Variants in PCOLCE observed in about 807,000 individuals in gnomAD.
PCOLCE encodes procollagen C-endopeptidase enhancer 1.
Under a neutral mutation model 47.2 loss-of-function variants are expected in PCOLCE, and 33 were observed. The observed-to-expected ratio is 0.70, with a 90% CI of 0.53 to 0.93. PCOLCE has a LOEUF of 0.93. Among genes scored for constraint, PCOLCE ranks in the 40% least tolerant of loss-of-function variants. The probability of loss-of-function intolerance (pLI) is 0.00; values close to 1 mark genes in which losing one functional copy is unlikely to be tolerated. For synonymous variants in PCOLCE, 254 were observed against 252.5 expected (o/e 1.01, Z -0.06); for missense variants, 584 against 585.3 (o/e 1.00, Z 0.02).
At chr7:100,606,699 G>C (rs1802724130) in intron 6 of PCOLCE, 69 bp downstream of exon 6, 1 of 1,234,498 alleles carries the variant, frequency 8.1e-7, no homozygotes, top group South Asian at 1.5e-5. Context: ...TCTGACCTGG[G>C]CTGTGGCTCA....
chr7:100,605,755 G>A lies in PCOLCE; in HGVS notation c.668G>A (p.Gly223Glu). 1 of 1,561,750 alleles carries A rather than the reference G, an allele frequency of 6.4e-7. No homozygotes were observed. Among genetic ancestry groups the A allele is most frequent in the Non-Finnish European group, 8.7e-7 (1 of 1,152,928 alleles). Residue 223 changes from glycine to glutamate, a missense_variant, in exon 5 of 9, where the codon GGA becomes GAA. Physicochemically the swap from Gly to Glu is moderately conservative, Grantham distance 98. Coordinates refer to ENST00000223061, the MANE Select transcript of PCOLCE (RefSeq NM_002593.4). The surrounding 1 kb of genome is among the most constrained non-coding windows in gnomAD (Gnocchi z 6.1). Reference sequence around the variant, plus strand: ...TATGACTCGGTCAGCGTGTTCAACGGAGCCGTGAGCGACGACTCCCGGAGG... The same window carrying A: ...TATGACTCGGTCAGCGTGTTCAACGAAGCCGTGAGCGACGACTCCCGGAGG... ...CRYDSVSVFN[G>E]AVSDDSRRLG...
chr7:100,608,119 C>T lies in PCOLCE; in HGVS notation c.*16C>T, dbSNP rs200861015. ...CCAGGACTGAGACGCAGGCCAGCCC[C>T]GGCCCCTAGCCCTCAGGCCTTCTTT... On this transcript the variant is annotated 3_prime_UTR_variant, in exon 9 of 9. Transcript: ENST00000223061. 6.0e-4 allele frequency: 971 copies of T among 1,609,378 alleles called. 1 individual carries two copies. The highest frequency in any genetic ancestry group is 7.6e-4 in the Non-Finnish European group (899 of 1,177,050).
At position 100,603,496 on chromosome 7, in the gene PCOLCE, C is replaced by T. The variant is rs773432858; in HGVS notation, c.162C>T (p.Pro54=). Residue 54 remains proline (P), a synonymous_variant, in exon 2 of 9, where the codon CCC becomes CCT. Transcript: ENST00000223061. ...ESGYVASEGF[P]NLYPPNKECI... ...GTTACGTGGCAAGTGAGGGGTTCCC[C>T]AACCTCTACCCCCCTAATAAGGAGT... 1 of 1,604,348 alleles carries T rather than the reference C, an allele frequency of 6.2e-7. No homozygotes were observed. Among genetic ancestry groups the T allele is most frequent in the East Asian group, 2.3e-5 (1 of 44,314 alleles).
rs769356496 is a variant in PCOLCE at position 100,604,128 on chromosome 7, A to T, written c.374A>T (p.Asn125Ile). 1.2e-6 allele frequency: 2 copies of T among 1,612,760 alleles called. No individual in the cohort carries two copies. Among genetic ancestry groups the T allele is most frequent in the South Asian group, 2.2e-5 (2 of 91,082 alleles). Reference sequence around the variant, plus strand: ...CCTGCGCCCCTAGTCGCCCCCGGCAACCAGGTGACCCTGAGGATGACGACG... The same window carrying T: ...CCTGCGCCCCTAGTCGCCCCCGGCATCCAGGTGACCCTGAGGATGACGACG... ...FRPAPLVAPGNQVTLRMTTDE... is the reference protein window; with the variant it reads ...FRPAPLVAPGIQVTLRMTTDE... Residue 125 changes from asparagine to isoleucine, a missense_variant, in exon 3 of 9, where the codon AAC becomes ATC. By Grantham distance (149) the Asn-to-Ile change is moderately radical. Coordinates refer to ENST00000223061, the MANE Select transcript of PCOLCE (RefSeq NM_002593.4). The surrounding 1 kb of genome is among the most constrained non-coding windows in gnomAD (Gnocchi z 6.4).
In PCOLCE at chr7:100,602,490, C is replaced by T; in HGVS notation, c.34C>T (p.Pro12Ser). ...TGCAGCCACAGCCTCCCTCCTGGGG[C>T]CCCTCCTCACTGCCTGCGCCCTGCT... is the stretch of plus-strand genomic sequence containing the variant. The part of the protein sequence containing the change: ...LPAATASLLG[P>S]LLTACALLPF... Residue 12 changes from proline to serine, a missense_variant, in exon 1 of 9, where the codon CCC becomes TCC. Coordinates refer to ENST00000223061, the MANE Select transcript of PCOLCE (RefSeq NM_002593.4). 1.9e-6 allele frequency: 3 copies of T among 1,612,840 alleles called. No homozygotes were observed. Among genetic ancestry groups the T allele is most frequent in the Admixed American group, 1.7e-5 (1 of 60,006 alleles).
chr7:100,605,830 G>C lies in PCOLCE; in HGVS notation c.725+18G>C. ...GTCCCGGGGTGAGGGGCGGGACCTG[G>C]GCGAGTCCGGGAGAGAGTCGGCGGA... On this transcript the variant is annotated intron_variant, in intron 5 of 8. Transcript: ENST00000223061. This position sits in a 1 kb window ranked among gnomAD's most constrained non-coding sequence, Gnocchi z 6.1. The C allele has an allele frequency of 6.5e-7, 1 of 1,549,506 alleles. No individual in the cohort carries two copies. The highest frequency in any genetic ancestry group is 8.7e-7 in the Non-Finnish European group (1 of 1,146,066).
At position 100,605,939 on chromosome 7, in the gene PCOLCE, A is replaced by T; in HGVS notation, c.725+127A>T. 9.3e-7 allele frequency: 1 copy of T among 1,080,520 alleles called. No individual in the cohort carries two copies. 66.9% of individuals were successfully genotyped at this position (1,080,520 alleles called of 1,614,324 possible). On this transcript the variant is annotated intron_variant, in intron 5 of 8. Coordinates refer to ENST00000223061, the MANE Select transcript of PCOLCE (RefSeq NM_002593.4). The surrounding 1 kb of genome is among the most constrained non-coding windows in gnomAD (Gnocchi z 6.1). The stretch of plus-strand genomic sequence containing the variant: ...CCCAGGGCTCCAAACCGGCGAGGGG[A>T]GCAGGTTGGAGGCCAGGCAAAGAGG...
At chr7:100,603,675 C>A in intron 2 of PCOLCE, 137 bp downstream of exon 2, 1 of 574,162 alleles carries the variant, frequency 1.7e-6, no homozygotes, top group Admixed American at 3.2e-5. Context: ...CCCTCTGTCA[C>A]TGAAGGCATC....
In PCOLCE at chr7:100,603,733, T is replaced by C; in HGVS notation, c.204+195T>C. ...TCTTAACCCTTCCCTCAAATCTTCA[T>C]TCTCCAGTCCCCGGCCCTCCCTCCT... On this transcript the variant is annotated intron_variant, in intron 2 of 8. Coordinates refer to ENST00000223061, the MANE Select transcript of PCOLCE (RefSeq NM_002593.4). 10 of 606,924 alleles carry C rather than the reference T, an allele frequency of 1.6e-5. No individual in the cohort carries two copies. In the South Asian group the frequency reaches 2.0e-4, roughly 12 times the overall value. The allele number at this position is 606,924 out of a possible 1,614,324, so 37.6% of individuals were successfully genotyped here. A position where few individuals can be genotyped will look rare whatever the true frequency, so the allele number is the denominator to read the frequency against.
At chr7:100,606,326 C>G (rs988880445) in intron 5 of PCOLCE, 90 bp from the exon 6 acceptor site, 2 of 889,384 alleles carry the variant, frequency 2.2e-6, no homozygotes, top group Non-Finnish European at 3.5e-6. Context: ...GAGACCCTGT[C>G]TCAAACAAAC....
chr7:100,606,478 C>A lies in PCOLCE; in HGVS notation c.788C>A (p.Ala263Asp). ...VQFVSDLSVTADGFSASYKTL... is the reference protein window; with the variant it reads ...VQFVSDLSVTDDGFSASYKTL... ...TTCGTCTCAGATCTCAGTGTCACCG[C>A]TGATGGCTTCTCAGCCTCCTACAAG... Residue 263 changes from alanine to aspartate, a missense_variant, in exon 6 of 9, where the codon GCT (alanine) becomes GAT (aspartate). Physicochemically the swap from Ala to Asp is moderately radical, Grantham distance 126. Transcript: ENST00000223061. 1 of 1,614,162 alleles carries A rather than the reference C, an allele frequency of 6.2e-7. No homozygotes were observed. The highest frequency in any genetic ancestry group is 8.5e-7 in the Non-Finnish European group (1 of 1,180,004).
chr7:100,603,596 A>G, intron 2 of PCOLCE, 58 bp downstream of exon 2: 1 of 790,540 alleles, frequency 1.3e-6, no homozygotes, highest in Non-Finnish European at 2.1e-6. Flanking sequence ...AAAAGGCCTG[A>G]CTGCGAAGGG....
At chr7:100,607,103 A>AAAAAAAAAAC (rs1376138827) in intron 6 of PCOLCE, among the ~76,000 whole-genome samples, 20 of 151,766 alleles carry the variant, frequency 1.3e-4, no homozygotes, top group Non-Finnish European at 1.8e-4. Flanking sequence ...AAAAAAAAAA[A>AAAAAAAAAAC]AAACTTAGCC....
At chr7:100,607,853 C>A in intron 8 of PCOLCE, 46 bp downstream of exon 8, 1 of 1,612,702 alleles carries the variant, frequency 6.2e-7, no homozygotes, top group Non-Finnish European at 8.5e-7. Context: ...CTAAGCCACA[C>A]AGAAATGATC....
Position 100,604,435 on chromosome 7 carries a change from C to A in PCOLCE, c.463+218C>A, listed in dbSNP as rs1461438212. On this transcript the variant is annotated intron_variant, in intron 3 of 8. Transcript: ENST00000223061. This position sits in a 1 kb window ranked among gnomAD's most constrained non-coding sequence, Gnocchi z 6.4. ...CACCCATCCCTCTTCCAGGGCCCCC[C>A]CCAGGCGCGAGGCGGAAATGGGTCA... The A allele has an allele frequency of 4.7e-6, 3 of 632,184 alleles. No homozygotes were observed. The highest frequency in any genetic ancestry group is 1.8e-5 in the South Asian group (1 of 54,544). The allele number at this position is 632,184 out of a possible 1,614,324, so 39.2% of individuals were successfully genotyped here.
Position 100,605,600 on chromosome 7 carries a change from A to T in PCOLCE, c.589-76A>T. 1 of 1,494,260 alleles carries T rather than the reference A, an allele frequency of 6.7e-7. No individual in the cohort carries two copies. 92.6% of individuals were successfully genotyped at this position (1,494,260 alleles called of 1,614,324 possible). A position where few individuals can be genotyped will look rare whatever the true frequency, so the allele number is the denominator to read the frequency against. ...GGGAGGTGGGAGTGGGAGCTGCTGC[A>T]GGCACCCAGTAGGAGATGAGGTGCA... On this transcript the variant is annotated intron_variant, in intron 4 of 8. Transcript: ENST00000223061. This position sits in a 1 kb window ranked among gnomAD's most constrained non-coding sequence, Gnocchi z 6.1.
In PCOLCE at chr7:100,604,656, G is replaced by C. The variant is rs1365562935; in HGVS notation, c.464-435G>C. ...TGCGGTCCCATCACCCCCTCCTGGC[G>C]GCAGAAGTCTCCCTTGCAATGTTTC... On this transcript the variant is annotated intron_variant, in intron 3 of 8. Transcript: ENST00000223061. This position sits in a 1 kb window ranked among gnomAD's most constrained non-coding sequence, Gnocchi z 6.4. 3.1e-6 allele frequency: 1 copy of C among 323,962 alleles called. No individual in the cohort carries two copies. The highest frequency in any genetic ancestry group is 5.9e-6 in the Non-Finnish European group (1 of 170,260). The allele number at this position is 323,962 out of a possible 1,614,324, so 20.1% of individuals were successfully genotyped here.
Position 100,604,944 on chromosome 7 carries a change from C to T in PCOLCE, c.464-147C>T. 1.7e-6 allele frequency: 1 copy of T among 594,306 alleles called. No individual in the cohort carries two copies. The highest frequency in any genetic ancestry group is 3.0e-6 in the Non-Finnish European group (1 of 331,700). 36.8% of individuals were successfully genotyped at this position (594,306 alleles called of 1,614,324 possible). A position where few individuals can be genotyped will look rare whatever the true frequency, so the allele number is the denominator to read the frequency against. ...TCCCGGCCGCTCTCTGTTAACCTGCCCCCATCTTACCTCCCCTTCTTCTCG... is the reference window on the plus strand; with the variant it reads ...TCCCGGCCGCTCTCTGTTAACCTGCTCCCATCTTACCTCCCCTTCTTCTCG... On this transcript the variant is annotated intron_variant, in intron 3 of 8. Coordinates refer to ENST00000223061, the MANE Select transcript of PCOLCE (RefSeq NM_002593.4). The surrounding 1 kb of genome is among the most constrained non-coding windows in gnomAD (Gnocchi z 6.4).
In PCOLCE at chr7:100,605,673, C is replaced by A; in HGVS notation, c.589-3C>A. The A allele has an allele frequency of 6.3e-7, 1 of 1,579,240 alleles. No homozygotes were observed. Among genetic ancestry groups the A allele is most frequent in the East Asian group, 2.3e-5 (1 of 42,938 alleles). ...CGCAGTCCCCGCCTCCGCCCGCCGC[C>A]AGGTCATCGCGCTGACCTTCGAGAA... is the stretch of plus-strand genomic sequence containing the variant. On this transcript the variant is annotated splice_polypyrimidine_tract_variant and splice_region_variant and intron_variant, in intron 4 of 8. Transcript: ENST00000223061. This position sits in a 1 kb window ranked among gnomAD's most constrained non-coding sequence, Gnocchi z 6.1.
Sources: allele counts gnomAD v4.1 joint callset (sites outside exome capture counted in the v4.1 genomes callset), GRCh38; gene constraint gnomAD v4.1.1; non-coding constraint Gnocchi (gnomAD v3.1); transcripts MANE v1.5; gene names NCBI Gene and HGNC (gene_info 2026-07-23, HGNC 2026-07-21).